Variants in SKP1 observed in about 807,000 individuals in gnomAD.
SKP1 encodes S-phase kinase-associated protein 1.
SKP1 carries 1 observed loss-of-function variant against 21.5 expected under a neutral mutation model. The ratio of observed to expected loss-of-function variants is 0.05; its 90% CI spans 0.02 to 0.22. The LOEUF (loss-of-function observed/expected upper bound fraction) is 0.22. Ranked by LOEUF, SKP1 falls within the 10% of genes least tolerant of loss-of-function variation. The pLI, the probability that SKP1 is intolerant of heterozygous loss-of-function variation, is 1.00. For synonymous variants in SKP1, 59 were observed against 59.3 expected (o/e 0.99, Z 0.03); for missense variants, 70 against 192.0 (o/e 0.36, Z 3.76).
At chr5:134,171,361 C>G (rs1761437269) in intron 2 of SKP1, among the ~76,000 whole-genome samples, 1 of 152,174 alleles carries the variant, frequency 6.6e-6, no homozygotes, top group Non-Finnish European at 1.5e-5. Context: ...TTGGCTTCCA[C>G]AAATCATACT....
At chr5:134,158,119 C>G (rs1355370793) in intron 5 of SKP1, 3 of 1,395,918 alleles carry the variant, frequency 2.1e-6, no homozygotes, top group African/African-American at 2.9e-5. Flanking sequence ...CTCTAAAGTA[C>G]CCTAGTATAT....
chr5:134,157,736 C>T lies in SKP1; in HGVS notation c.489G>A (p.Lys163=). 1 of 1,612,630 alleles carries T rather than the reference C, an allele frequency of 6.2e-7. No homozygotes were observed. The highest frequency in any genetic ancestry group is 2.2e-5 in the East Asian group (1 of 44,850). Residue 163 remains lysine, a synonymous_variant, in exon 6 of 6, where the codon AAG becomes AAA. Transcript: ENST00000353411. ...TTACAGTGTCAGGCACAACATTTCA[C>T]TTCTCTTCACACCACTGGTTCTCTT... is the stretch of plus-strand genomic sequence containing the variant. ...VRKENQWCEE[K]
chr5:134,173,130 C>T (rs10036803), intron 2 of SKP1, among the ~76,000 whole-genome samples: 4,621 of 151,880 alleles, frequency 0.03, 186 homozygotes, highest in African/African-American at 0.096. Context: ...GTCGGGAGTC[C>T]GAGACCAGCC....
rs1319387778 is a variant in SKP1 at position 134,150,395 on chromosome 5, T to C, written c.*7338A>G. 6.6e-6 allele frequency: 1 copy of C among 152,254 alleles called. No homozygotes were observed. Among genetic ancestry groups the C allele is most frequent in the Non-Finnish European group, 1.5e-5 (1 of 68,086 alleles). The allele number at this position is 152,254 out of a possible 1,614,324, so 9.4% of individuals were successfully genotyped here. ...AGTAAAGGGAAGCGGAAGGGTTCTTTATATCCTGTTCCAGAGAGGAAGAAA... is the reference window on the plus strand; with the variant it reads ...AGTAAAGGGAAGCGGAAGGGTTCTTCATATCCTGTTCCAGAGAGGAAGAAA... On this transcript the variant is annotated 3_prime_UTR_variant, in exon 6 of 6. Transcript: ENST00000353411.
intron 3 of SKP1, among the ~76,000 whole-genome samples, chr5:134,164,095 C>A (rs560633179): frequency 6.6e-6 from 1 of 151,984 alleles, no homozygotes; most frequent in Non-Finnish European, 1.5e-5. Flanking sequence ...CTGAGGCAGG[C>A]GGATCACCTG....
At chr5:134,163,246 A>G (rs983387418) in intron 3 of SKP1, among the ~76,000 whole-genome samples, 6 of 122,498 alleles carry the variant, frequency 4.9e-5, no homozygotes, top group Admixed American at 1.6e-4. Flanking sequence ...ATCACTACTA[A>G]CAAAAAATAA....
Position 134,150,550 on chromosome 5 carries a change from T to C in SKP1, c.*7183A>G, listed in dbSNP as rs1290417123. ...GAATTTAAGACCCAAATCTAGTTAATTGTATAAAAAGGCTAAGTTGGCTTT... is the reference window on the plus strand; with the variant it reads ...GAATTTAAGACCCAAATCTAGTTAACTGTATAAAAAGGCTAAGTTGGCTTT... On this transcript the variant is annotated 3_prime_UTR_variant, in exon 6 of 6. Coordinates refer to ENST00000353411, the MANE Select transcript of SKP1 (RefSeq NM_170679.3). 1 of 152,208 alleles carries C rather than the reference T, an allele frequency of 6.6e-6. No homozygotes were observed. The highest frequency in any genetic ancestry group is 1.9e-4 in the East Asian group (1 of 5,206). The allele number at this position is 152,208 out of a possible 1,614,324, so 9.4% of individuals were successfully genotyped here. A position where few individuals can be genotyped will look rare whatever the true frequency, so the allele number is the denominator to read the frequency against.
intron 2 of SKP1, chr5:134,173,314 A>G (rs1374802279): frequency 5.8e-6 from 1 of 173,334 alleles, no homozygotes; most frequent in African/African-American, 2.4e-5. Context: ...GTTGGGCAAC[A>G]AGAGCAAAAA....
In SKP1 at chr5:134,154,962, A is replaced by G. The variant is rs1375772584; in HGVS notation, c.*2771T>C. The G allele has an allele frequency of 6.6e-6, 1 of 152,224 alleles. No individual in the cohort carries two copies. The highest frequency in any genetic ancestry group is 6.5e-5 in the Admixed American group (1 of 15,276). The allele number at this position is 152,224 out of a possible 1,614,324, so 9.4% of individuals were successfully genotyped here. On this transcript the variant is annotated 3_prime_UTR_variant, in exon 6 of 6. Transcript: ENST00000353411. The stretch of plus-strand genomic sequence containing the variant: ...TGTTTTCATTATGCCCTGTACCTGC[A>G]TTTCACAAGGACTTTTCACTTCTGT...
intron 2 of SKP1, chr5:134,170,835 C>T (rs1208933684): frequency 2.7e-6 from 1 of 366,798 alleles, no homozygotes; most frequent in African/African-American, 2.1e-5. Flanking sequence ...CAGCACAGGA[C>T]AGATTAGTGT....
At chr5:134,164,410 T>TATTTAAAAA (rs1761289594) in intron 3 of SKP1, among the ~76,000 whole-genome samples, 3 of 151,858 alleles carry the variant, frequency 2.0e-5, no homozygotes, top group African/African-American at 7.3e-5. Context: ...AGCTAACTGT[T>TATTTAAAAA]CACCTACTCA....
chr5:134,159,470 T>G (rs1454331714), intron 4 of SKP1, among the ~76,000 whole-genome samples: 2 of 151,978 alleles, frequency 1.3e-5, no homozygotes, highest in African/African-American at 2.4e-5. Flanking sequence ...AATCTCTACC[T>G]CCTAGGTTCA....
chr5:134,176,256 G>C (rs1265010645), intron 1 of SKP1, among the ~76,000 whole-genome samples: 2 of 152,186 alleles, frequency 1.3e-5, no homozygotes. Flanking sequence ...TATTCAGATG[G>C]AGCAGGCGGC....
At position 134,156,844 on chromosome 5, in the gene SKP1, T is replaced by C. The variant is rs953743618; in HGVS notation, c.*889A>G. 1.3e-5 allele frequency: 2 copies of C among 152,684 alleles called. No individual in the cohort carries two copies. The highest frequency in any genetic ancestry group is 2.4e-5 in the African/African-American group (1 of 41,474). 9.5% of individuals were successfully genotyped at this position (152,684 alleles called of 1,614,324 possible). ...CAACCCATTTAAGTGAAGAGACACATTTAAGTCCACAAAAGCAAACTTAAC... is the reference window on the plus strand; with the variant it reads ...CAACCCATTTAAGTGAAGAGACACACTTAAGTCCACAAAAGCAAACTTAAC... On this transcript the variant is annotated 3_prime_UTR_variant, in exon 6 of 6. Coordinates refer to ENST00000353411, the MANE Select transcript of SKP1 (RefSeq NM_170679.3).
rs901594027 is a variant in SKP1, at chr5:134,149,425, G to A, written c.*8308C>T. On this transcript the variant is annotated 3_prime_UTR_variant, in exon 6 of 6. Coordinates refer to ENST00000353411, the MANE Select transcript of SKP1 (RefSeq NM_170679.3). ...ACCTCAATAGGTCAGTCAACAAGTA[G>A]ATGATACATGTCAGGCAAGAAGTAT... 1.3e-5 allele frequency: 2 copies of A among 152,232 alleles called. No individual in the cohort carries two copies. The allele number at this position is 152,232 out of a possible 1,614,324, so 9.4% of individuals were successfully genotyped here.
intron 3 of SKP1, 100 bp downstream of exon 3, chr5:134,167,070 G>C: frequency 1.5e-6 from 1 of 649,984 alleles, no homozygotes; most frequent in Non-Finnish European, 2.7e-6. Flanking sequence ...ATTTTAAGCA[G>C]TAAATTATAA....
rs377663760 is a variant in SKP1 at position 134,165,938 on chromosome 5, A to G, written c.171+1232T>C. 4.0e-4 allele frequency among the ~76,000 whole-genome samples: 61 copies of G among 151,972 alleles called. 1 individual carries two copies. In the East Asian group the frequency reaches 0.01, roughly 26 times the overall value. ...GCCAGGCATGGTGGCTCCACCTGTA[A>G]TCCCAGCACTTTGGGAGGCCAAGGC... On this transcript the variant is annotated intron_variant, in intron 3 of 5. Coordinates refer to ENST00000353411, the MANE Select transcript of SKP1 (RefSeq NM_170679.3).
rs982647836 is a variant in SKP1, at chr5:134,174,429, T to C, written c.1-407A>G. On this transcript the variant is annotated intron_variant, in intron 1 of 5. Transcript: ENST00000353411. ...GTCCAAAACAAACAACGCTACTAAATAAGATAGAAATTTTCCCCACAGTGA... is the reference window on the plus strand; with the variant it reads ...GTCCAAAACAAACAACGCTACTAAACAAGATAGAAATTTTCCCCACAGTGA... 7.4e-6 allele frequency: 7 copies of C among 943,940 alleles called. No homozygotes were observed. The African/African-American group carries it at 1.2e-4, about 17-fold the overall frequency. The allele number at this position is 943,940 out of a possible 1,614,324, so 58.5% of individuals were successfully genotyped here.
chr5:134,157,822 C>T lies in SKP1; in HGVS notation c.457-54G>A, dbSNP rs572579152. ...TTAACTTGAGTAGTCTTTCCTAAGA[C>T]TTATAAATACTACCTACTGATTCAT... On this transcript the variant is annotated intron_variant, in intron 5 of 5. Coordinates refer to ENST00000353411, the MANE Select transcript of SKP1 (RefSeq NM_170679.3). 1.2e-5 allele frequency: 19 copies of T among 1,612,784 alleles called. No individual in the cohort carries two copies. The African/African-American group carries it at 2.4e-4, about 20-fold the overall frequency.
Sources: allele counts gnomAD v4.1 joint callset (sites outside exome capture counted in the v4.1 genomes callset), GRCh38; gene constraint gnomAD v4.1.1; transcripts MANE v1.5; gene names NCBI Gene and HGNC (gene_info 2026-07-23, HGNC 2026-07-21).